The following WSCD2 variants were observed in gnomAD, a reference collection of about 807,000 sequenced individuals.
The protein encoded by WSCD2 is sialate:O-sulfotransferase 2.
A neutral mutation model predicts 55.7 loss-of-function variants in WSCD2; 28 were observed. The ratio of observed to expected loss-of-function variants is 0.50; its 90% confidence interval spans 0.37 to 0.69. WSCD2 has a LOEUF of 0.69. WSCD2 is among the 30% of genes least tolerant of loss of function. WSCD2 has a pLI of 0.00. For missense variants in WSCD2, 616 were observed against 762.1 expected (o/e 0.81, Z 2.26); for synonymous variants, 301 against 301.9 (o/e 1.00, Z 0.03).
intron 1 of WSCD2, among the ~76,000 whole-genome samples, chr12:108,148,978 C>T (rs747098087): frequency 2.6e-5 from 4 of 152,176 alleles, no homozygotes; most frequent in Non-Finnish European, 5.9e-5. Context: ...CAAGGAGACA[C>T]AACCCACCTT....
chr12:108,206,526 G>T (rs965993156), intron 3 of WSCD2, 123 bp downstream of exon 3: 2 of 901,540 alleles, frequency 2.2e-6, no homozygotes, highest in African/African-American at 1.6e-5. Flanking sequence ...CCACAGGAAA[G>T]GTTGACGCAA....
intron 1 of WSCD2, among the ~76,000 whole-genome samples, chr12:108,163,043 G>A (rs1266172941): frequency 3.3e-5 from 5 of 152,164 alleles, no homozygotes; most frequent in African/African-American, 9.7e-5. Context: ...AGGCTGAATC[G>A]TATTCCTATG....
At chr12:108,151,594 T>C (rs1024647805) in intron 1 of WSCD2, among the ~76,000 whole-genome samples, 3 of 152,196 alleles carry the variant, frequency 2.0e-5, no homozygotes, top group African/African-American at 7.2e-5. Flanking sequence ...TCGCCCAAGG[T>C]ACACAGCCAT....
intron 1 of WSCD2, among the ~76,000 whole-genome samples, chr12:108,181,699 C>T (rs537403831): frequency 6.6e-6 from 1 of 152,326 alleles, no homozygotes; most frequent in South Asian, 2.1e-4. Context: ...ACCTCAAATT[C>T]CTGGGCTTAA....
intron 1 of WSCD2, among the ~76,000 whole-genome samples, chr12:108,165,442 G>A (rs1182009583): frequency 1.3e-5 from 2 of 152,184 alleles, no homozygotes; most frequent in African/African-American, 2.4e-5. Context: ...ATGTTTCCCA[G>A]GCTGGTCTTG....
intron 1 of WSCD2, among the ~76,000 whole-genome samples, chr12:108,187,673 C>T (rs1185103139): frequency 6.6e-6 from 1 of 152,214 alleles, no homozygotes; most frequent in East Asian, 1.9e-4. Flanking sequence ...TAAATACTAG[C>T]TCACATTATT....
At chr12:108,142,651 A>G (rs1876952725) in intron 1 of WSCD2, among the ~76,000 whole-genome samples, 1 of 152,010 alleles carries the variant, frequency 6.6e-6, no homozygotes, top group Non-Finnish European at 1.5e-5. Flanking sequence ...ACATCCTTAC[A>G]CTCTTTTATT....
intron 1 of WSCD2, among the ~76,000 whole-genome samples, chr12:108,170,682 A>C (rs570805732): frequency 6.6e-6 from 1 of 152,218 alleles, no homozygotes; most frequent in Admixed American, 6.5e-5. Flanking sequence ...ACACTTAGTC[A>C]ATGTCTGACA....
At chr12:108,171,360 T>C (rs1365963501) in intron 1 of WSCD2, among the ~76,000 whole-genome samples, 7 of 152,248 alleles carry the variant, frequency 4.6e-5, no homozygotes, top group African/African-American at 1.7e-4. Flanking sequence ...GACACCCATA[T>C]TGCTACAATT....
chr12:108,224,710 G>A, intron 4 of WSCD2, 29 bp from the exon 5 acceptor site: 2 of 1,606,180 alleles, frequency 1.2e-6, no homozygotes, highest in Non-Finnish European at 1.7e-6. Context: ...TTGTATATCT[G>A]ACTAGTCCTC....
At position 108,196,194 on chromosome 12, in the gene WSCD2, G is replaced by A. The variant is rs201631606; in HGVS notation, c.362G>A (p.Arg121Gln). 44 of 1,613,612 alleles carry A rather than the reference G, an allele frequency of 2.7e-5. No homozygotes were observed. Among genetic ancestry groups the A allele is most frequent in the African/African-American group, 1.2e-4 (9 of 75,044 alleles). ...WSRALKGRVV[R>Q]EKEEERAKYI... Reference sequence around the variant, plus strand: ...CGAGCCCTCAAGGGGAGGGTTGTCCGGGAGAAGGAGGAAGAGCGAGGTAAG... The same window carrying A: ...CGAGCCCTCAAGGGGAGGGTTGTCCAGGAGAAGGAGGAAGAGCGAGGTAAG... The change falls in exon 2 of 9, where the codon CGG becomes CAG. Residue 121 changes from arginine (R) to glutamine (Q), a missense_variant. Arg to Gln is a conservative substitution (Grantham distance 43). This residue lies in a region of WSCD2 where 374 missense variants were observed against 467.4 expected (regional missense o/e 0.80). Coordinates refer to ENST00000547525, the MANE Select transcript of WSCD2 (RefSeq NM_014653.4).
Position 108,244,963 on chromosome 12 carries a change from T to A in WSCD2, c.1346-3028T>A, listed in dbSNP as rs1055087293. ...ATATATGCATGCACAAACATGTATA[T>A]GTACCACATTTTCTTTATCCAGTCC... On this transcript the variant is annotated intron_variant, in intron 8 of 8. Transcript: ENST00000547525. Among the ~76,000 whole-genome samples the A allele has an allele frequency of 7.9e-5, 12 of 152,358 alleles. No homozygotes were observed. In the South Asian group the frequency reaches 1.9e-3, roughly 24 times the overall value.
In WSCD2 at chr12:108,185,840, C is replaced by G. The variant is rs528233968; in HGVS notation, c.-551-9442C>G. ...TTAAGGAACTCTATGCAAATGTGCA[C>G]TAATTGACCCAAGACACAGCAGCTC... On this transcript the variant is annotated intron_variant, in intron 1 of 8. Coordinates refer to ENST00000547525, the MANE Select transcript of WSCD2 (RefSeq NM_014653.4). Among the ~76,000 whole-genome samples, 9 of 152,296 alleles carry G rather than the reference C, an allele frequency of 5.9e-5. No individual in the cohort carries two copies. The South Asian group carries it at 1.4e-3, about 25-fold the overall frequency.
intron 2 of WSCD2, among the ~76,000 whole-genome samples, chr12:108,201,713 AATC>A: frequency 6.6e-6 from 1 of 152,298 alleles, no homozygotes. Context: ...CCTATTCGTG[AATC>A]TGTTCACAAA....
intron 1 of WSCD2, among the ~76,000 whole-genome samples, chr12:108,170,130 G>A (rs1342683813): frequency 6.6e-6 from 1 of 152,050 alleles, no homozygotes; most frequent in Non-Finnish European, 1.5e-5. Flanking sequence ...AAAATGTCCT[G>A]GATGTATGTG....
At chr12:108,180,556 A>C (rs929016494) in intron 1 of WSCD2, among the ~76,000 whole-genome samples, 1 of 152,254 alleles carries the variant, frequency 6.6e-6, no homozygotes, top group African/African-American at 2.4e-5. Context: ...GGGAGAAGTA[A>C]ATAGGAACCA....
chr12:108,193,619 A>ATAGATGGATG (rs1259187898), intron 1 of WSCD2, among the ~76,000 whole-genome samples: 2 of 80,136 alleles, frequency 2.5e-5, no homozygotes, highest in East Asian at 9.1e-4. Flanking sequence ...ATGGATGGAT[A>ATAGATGGATG]GATGGATGGA....
intron 4 of WSCD2, among the ~76,000 whole-genome samples, chr12:108,213,664 A>G (rs1565972632): frequency 6.6e-6 from 1 of 152,164 alleles, no homozygotes; most frequent in Non-Finnish European, 1.5e-5. Flanking sequence ...GCAGTGGGAG[A>G]GGAATTAGGC....
In WSCD2 at chr12:108,195,586, C is replaced by A; in HGVS notation, c.-247C>A. The A allele has an allele frequency of 1.9e-6, 1 of 540,330 alleles. No individual in the cohort carries two copies. Among genetic ancestry groups the A allele is most frequent in the Non-Finnish European group, 3.2e-6 (1 of 311,392 alleles). 33.5% of individuals were successfully genotyped at this position (540,330 alleles called of 1,614,324 possible). A position where few individuals can be genotyped will look rare whatever the true frequency, so the allele number is the denominator to read the frequency against. ...TGTGTGTTCTGAGCCTCAAAACCCC[C>A]TTGTTGGCCCAAAGAAGCTCACCTT... On this transcript the variant is annotated 5_prime_UTR_variant, in exon 2 of 9. Coordinates refer to ENST00000547525, the MANE Select transcript of WSCD2 (RefSeq NM_014653.4).
Sources: allele counts gnomAD v4.1 joint callset (sites outside exome capture counted in the v4.1 genomes callset), GRCh38; gene constraint gnomAD v4.1.1; regional missense constraint gnomAD v4.1.1; transcripts MANE v1.5; gene names NCBI Gene and HGNC (gene_info 2026-07-23, HGNC 2026-07-21).